The following SLC3A1 variants were observed in gnomAD, a reference collection of about 807,000 sequenced individuals.
SLC3A1 encodes the protein amino acid transporter heavy chain SLC3A1.
SLC3A1 carries 78 observed loss-of-function variants against 60.3 expected under a neutral mutation model. The observed-to-expected ratio is 1.29, with a 90% confidence interval of 1.08 to 1.56. SLC3A1 has a LOEUF of 1.56. Ranked by LOEUF, SLC3A1 falls within the 40% of genes most tolerant of loss-of-function variation. The probability of loss-of-function intolerance (pLI) is 0.00; values close to 1 mark genes in which losing one functional copy is unlikely to be tolerated. For missense variants in SLC3A1, 1,172 were observed against 858.9 expected (o/e 1.36, Z -4.56); for synonymous variants, 392 against 307.9 (o/e 1.27, Z -2.86).
At chr2:44,312,125 A>G (rs560215183) in intron 7 of SLC3A1, among the ~76,000 whole-genome samples, 2 of 152,306 alleles carry the variant, frequency 1.3e-5, no homozygotes, top group South Asian at 4.1e-4. Context: ...TTCATCTTGG[A>G]GTATGTAAAT....
At chr2:44,300,394 A>G (rs1043648797) in intron 5 of SLC3A1, among the ~76,000 whole-genome samples, 1 of 152,168 alleles carries the variant, frequency 6.6e-6, no homozygotes, top group Non-Finnish European at 1.5e-5. Context: ...TACTCCTGCA[A>G]TTTTATCATC....
At chr2:44,293,972 A>G (rs1049223430) in intron 4 of SLC3A1, among the ~76,000 whole-genome samples, 1 of 152,068 alleles carries the variant, frequency 6.6e-6, no homozygotes, top group Non-Finnish European at 1.5e-5. Flanking sequence ...TTTTTACTGT[A>G]TACAGTACTT....
chr2:44,302,391 G>C (rs971160877), intron 6 of SLC3A1, among the ~76,000 whole-genome samples: 13 of 152,154 alleles, frequency 8.5e-5, no homozygotes, highest in African/African-American at 3.1e-4. Flanking sequence ...AGTTTACATA[G>C]ATCACTCAAC....
At chr2:44,280,547 AT>A (rs1384410126) in intron 1 of SLC3A1, among the ~76,000 whole-genome samples, 168 bp from the exon 2 acceptor site, 3 of 152,084 alleles carry the variant, frequency 2.0e-5, no homozygotes, top group Non-Finnish European at 4.4e-5. Context: ...CTAATTTGAT[AT>A]TTTTTGTAGA....
intron 1 of SLC3A1, among the ~76,000 whole-genome samples, chr2:44,280,402 C>A (rs1259132039): frequency 6.6e-6 from 1 of 152,018 alleles, no homozygotes; most frequent in Non-Finnish European, 1.5e-5. Flanking sequence ...CTGTACCCAG[C>A]TAATTTTTGT....
Position 44,286,084 on chromosome 2 carries a change from GTTA to G in SLC3A1, c.821_823del (p.Tyr274del). On this transcript the variant is annotated inframe_deletion, in exon 4 of 10. Coordinates refer to ENST00000260649, the MANE Select transcript of SLC3A1 (RefSeq NM_000341.4). ...CACTTTGACGAAGTGCGAAACCAAT[GTTA>G]TTTTCATCAGTTTATGAAAGAGCAA... 6.2e-7 allele frequency: 1 copy of G among 1,614,008 alleles called. No individual in the cohort carries two copies. The highest frequency in any genetic ancestry group is 8.5e-7 in the Non-Finnish European group (1 of 1,179,944).
chr2:44,287,883 G>A (rs1368176949), intron 4 of SLC3A1, among the ~76,000 whole-genome samples: 1 of 152,018 alleles, frequency 6.6e-6, no homozygotes, highest in South Asian at 2.1e-4. Flanking sequence ...AGTCACTAGG[G>A]GCACCTAGAA....
downstream of SLC3A1, among the ~76,000 whole-genome samples, chr2:44,322,277 G>A (rs1255038220): frequency 1.3e-5 from 2 of 152,080 alleles, no homozygotes; most frequent in Non-Finnish European, 2.9e-5. Context: ...GTAGTTTCAA[G>A]GCAAAAGGGA....
intron 4 of SLC3A1, among the ~76,000 whole-genome samples, chr2:44,290,426 C>T (rs922604030): frequency 1.3e-5 from 2 of 152,104 alleles, no homozygotes; most frequent in Non-Finnish European, 2.9e-5. Context: ...TTTGGATTTC[C>T]ATGTGAATTT....
Position 44,318,730 on chromosome 2 carries a change from C to G in SLC3A1, c.1618-1469C>G, listed in dbSNP as rs1350338184. The G allele has an allele frequency of 3.3e-5, 5 of 152,158 alleles. No individual in the cohort carries two copies. The East Asian group carries it at 5.8e-4, about 18-fold the overall frequency. 9.4% of individuals were successfully genotyped at this position (152,158 alleles called of 1,614,324 possible). A position where few individuals can be genotyped will look rare whatever the true frequency, so the allele number is the denominator to read the frequency against. On this transcript the variant is annotated intron_variant, in intron 9 of 9. Coordinates refer to ENST00000260649, the MANE Select transcript of SLC3A1 (RefSeq NM_000341.4). ...AGAAAACCTTTTTATAGTATGTATTCTTGTAATTGAATAAAAAATAAAATT... is the reference window on the plus strand; with the variant it reads ...AGAAAACCTTTTTATAGTATGTATTGTTGTAATTGAATAAAAAATAAAATT...
chr2:44,307,283 A>G (rs951407504), intron 7 of SLC3A1, among the ~76,000 whole-genome samples: 1 of 152,230 alleles, frequency 6.6e-6, no homozygotes, highest in Non-Finnish European at 1.5e-5. Flanking sequence ...TATTACGAAT[A>G]GTGATGCTAT....
At chr2:44,295,429 C>T (rs1049537536) in intron 4 of SLC3A1, among the ~76,000 whole-genome samples, 1 of 152,148 alleles carries the variant, frequency 6.6e-6, no homozygotes, top group African/African-American at 2.4e-5. Context: ...GAGAGACCTT[C>T]ATGGGAGTAA....
intron 7 of SLC3A1, among the ~76,000 whole-genome samples, chr2:44,304,867 C>T (rs1421501437): frequency 7.2e-6 from 1 of 139,756 alleles, no homozygotes; most frequent in East Asian, 2.1e-4. Flanking sequence ...CTGCACCCAG[C>T]CTGGAGTGCA....
At chr2:44,279,166 T>A (rs181183616) in intron 1 of SLC3A1, among the ~76,000 whole-genome samples, 1 of 152,066 alleles carries the variant, frequency 6.6e-6, no homozygotes, top group East Asian at 1.9e-4. Flanking sequence ...CCCCAGCTAA[T>A]TTTTGTATTT....
Position 44,320,863 on chromosome 2 carries a change from A to G in SLC3A1, c.*224A>G, listed in dbSNP as rs1672882659. On this transcript the variant is annotated 3_prime_UTR_variant, in exon 10 of 10. Coordinates refer to ENST00000260649, the MANE Select transcript of SLC3A1 (RefSeq NM_000341.4). ...GAGCTTATAACTTTATTCAGATAGC[A>G]TCAATCAGGGATGACCAGAACACAT... 21 of 559,286 alleles carry G rather than the reference A, an allele frequency of 3.8e-5. No individual in the cohort carries two copies. In the Admixed American group the frequency reaches 6.1e-4, roughly 16 times the overall value. The allele number at this position is 559,286 out of a possible 1,614,324, so 34.6% of individuals were successfully genotyped here.
chr2:44,292,404 G>A (rs1671760117), intron 4 of SLC3A1, among the ~76,000 whole-genome samples: 1 of 152,062 alleles, frequency 6.6e-6, no homozygotes, highest in African/African-American at 2.4e-5. Flanking sequence ...TCTATGCCAG[G>A]CACTTTATTA....
Position 44,304,259 on chromosome 2 carries a change from C to A in SLC3A1, c.1253C>A (p.Thr418Asn). The A allele has an allele frequency of 6.2e-7, 1 of 1,614,148 alleles. No homozygotes were observed. ...PFNNYLSMLD[T>N]VSGNSVYEVI... Reference sequence around the variant, plus strand: ...AACAATTACCTCAGCATGCTAGACACTGTTTCTGGGAACAGCGTGTATGAG... The same window carrying A: ...AACAATTACCTCAGCATGCTAGACAATGTTTCTGGGAACAGCGTGTATGAG... The change falls in exon 7 of 10, where the codon ACT becomes AAT. Residue 418 changes from threonine to asparagine, a missense_variant. Physicochemically the swap from Thr to Asn is moderately conservative, Grantham distance 65 (BLOSUM62 0). Coordinates refer to ENST00000260649, the MANE Select transcript of SLC3A1 (RefSeq NM_000341.4).
At chr2:44,310,143 C>T (rs1315183371) in intron 7 of SLC3A1, among the ~76,000 whole-genome samples, 1 of 151,754 alleles carries the variant, frequency 6.6e-6, no homozygotes, top group Non-Finnish European at 1.5e-5. Flanking sequence ...ATCTTCCCAC[C>T]TTGGCCCTTA....
rs564070566 is a variant in SLC3A1, at chr2:44,275,810, T to C, written c.275T>C (p.Leu92Pro). ...YRIPREILFW[L>P]TVASVLVLIA... is the part of the protein sequence containing the mutation. ...ATACCTCGGGAGATCCTCTTCTGGC[T>C]CACAGTGGCTTCTGTGCTGGTGCTC... Residue 92 changes from leucine (L) to proline (P), a missense_variant, in exon 1 of 10, where the codon CTC (leucine) becomes CCC (proline). Transcript: ENST00000260649. The C allele has an allele frequency of 3.8e-5, 61 of 1,614,264 alleles. 2 individuals are homozygous for C. In the South Asian group the frequency reaches 6.7e-4, roughly 18 times the overall value.
Sources: allele counts gnomAD v4.1 joint callset (sites outside exome capture counted in the v4.1 genomes callset), GRCh38; gene constraint gnomAD v4.1.1; transcripts MANE v1.5; gene names NCBI Gene and HGNC (gene_info 2026-07-23, HGNC 2026-07-21).